USP32: variants seen among roughly 807,000 people sequenced by gnomAD.
The protein encoded by USP32 is ubiquitin carboxyl-terminal hydrolase 32.
A neutral mutation model predicts 204.8 loss-of-function variants in USP32; 59 were observed. The ratio of observed to expected loss-of-function variants is 0.29; its 90% confidence interval spans 0.23 to 0.36. USP32 has a LOEUF of 0.36. Ranked by LOEUF, USP32 falls within the 10% of genes least tolerant of loss-of-function variation. USP32 has a pLI of 1.00. For missense variants in USP32, 1,160 were observed against 1,946.4 expected, an observed-to-expected ratio of 0.60 and a Z score of 7.60; for synonymous variants, 517 against 678.4, an observed-to-expected ratio of 0.76 and a Z score of 3.70.
At chr17:60,318,631 A>G (rs1171086190) in intron 2 of USP32, among the ~76,000 whole-genome samples, 1 of 152,192 alleles carries the variant, frequency 6.6e-6, no homozygotes, top group Non-Finnish European at 1.5e-5. Flanking sequence ...CCCACCTCCA[A>G]ACCCAGAAAA....
intron 1 of USP32, among the ~76,000 whole-genome samples, chr17:60,374,084 T>G (rs2089494595): frequency 6.6e-6 from 1 of 151,924 alleles, no homozygotes; most frequent in South Asian, 2.1e-4. Flanking sequence ...TTTGGGAGGC[T>G]GAGGCAAGAG....
intron 15 of USP32, among the ~76,000 whole-genome samples, chr17:60,222,154 A>G (rs1211243723): frequency 2.0e-5 from 3 of 152,196 alleles, no homozygotes; most frequent in African/African-American, 4.8e-5. Context: ...CTCCAGCCTA[A>G]GTTCCACATA....
chr17:60,363,802 T>C (rs2089259806), intron 1 of USP32, among the ~76,000 whole-genome samples: 1 of 151,846 alleles, frequency 6.6e-6, no homozygotes, highest in South Asian at 2.1e-4. Flanking sequence ...CCTGAATAGG[T>C]ATAATTTCAT....
At chr17:60,234,238 C>G (rs1028047583) in intron 12 of USP32, among the ~76,000 whole-genome samples, 2 of 151,606 alleles carry the variant, frequency 1.3e-5, no homozygotes, top group African/African-American at 4.8e-5. Context: ...CTCACCCTCC[C>G]GAGTAGCTGG....
At chr17:60,255,132 T>C in intron 10 of USP32, 43 bp downstream of exon 10, 1 of 1,406,366 alleles carries the variant, frequency 7.1e-7, no homozygotes, top group Non-Finnish European at 1.0e-6. Context: ...GTAGAAGTAC[T>C]GGTACTACTA....
chr17:60,291,533 G>GTATA (rs2087275102), intron 4 of USP32, among the ~76,000 whole-genome samples: 1 of 133,386 alleles, frequency 7.5e-6, no homozygotes, highest in South Asian at 2.3e-4. Flanking sequence ...CTCTCTGTGT[G>GTATA]TGTATGTGTG....
At chr17:60,182,806 G>C (rs1400864580) in intron 31 of USP32, among the ~76,000 whole-genome samples, 1 of 151,846 alleles carries the variant, frequency 6.6e-6, no homozygotes, top group Non-Finnish European at 1.5e-5. Context: ...AAAAAAAAGA[G>C]TTTTGATCCT....
At position 60,265,445 on chromosome 17, in the gene USP32, T is replaced by C; in HGVS notation, c.957A>G (p.Val319=). The C allele has an allele frequency of 1.2e-6, 2 of 1,606,824 alleles. No individual in the cohort carries two copies. Among genetic ancestry groups the C allele is most frequent in the African/African-American group, 1.3e-5 (1 of 74,876 alleles). ...PELHMDLSDI[V]EGILNAHDTT... ...TGTCATGTGCATTCAGTATGCCTTC[T>C]ACAATATCAGAGAGATCCATATGTA... is the stretch of plus-strand genomic sequence containing the variant. Residue 319 remains valine, a synonymous_variant, in exon 9 of 34, where the codon GTA becomes GTG. Coordinates refer to ENST00000300896, the MANE Select transcript of USP32 (RefSeq NM_032582.4).
intron 27 of USP32, among the ~76,000 whole-genome samples, chr17:60,195,165 C>T (rs979889219): frequency 6.6e-6 from 1 of 152,202 alleles, no homozygotes; most frequent in Non-Finnish European, 1.5e-5. Flanking sequence ...ATCTCTACTC[C>T]CTTATCTATA....
intron 13 of USP32, 57 bp downstream of exon 13, chr17:60,225,982 A>G: frequency 6.7e-7 from 1 of 1,492,728 alleles, no homozygotes; most frequent in South Asian, 1.4e-5. Context: ...AAAAGAAAAG[A>G]AAGACCTATC....
At chr17:60,210,254 T>G (rs1273476924) in intron 21 of USP32, among the ~76,000 whole-genome samples, 2 of 152,090 alleles carry the variant, frequency 1.3e-5, no homozygotes, top group South Asian at 2.1e-4. Flanking sequence ...TAAAATCTAC[T>G]ACATCTGATA....
chr17:60,255,048 C>CTTT, intron 10 of USP32, 127 bp downstream of exon 10: 9 of 497,290 alleles, frequency 1.8e-5, no homozygotes, highest in Non-Finnish European at 3.1e-5. Context: ...TAATGTAGTT[C>CTTT]TTTTTTTTTT....
chr17:60,281,559 A>G (rs1234724621), intron 5 of USP32, among the ~76,000 whole-genome samples: 4 of 152,064 alleles, frequency 2.6e-5, no homozygotes, highest in Admixed American at 2.6e-4. Context: ...AATGCTGTAT[A>G]CCAGACGCAG....
At chr17:60,268,844 T>C (rs1567816398) in intron 7 of USP32, among the ~76,000 whole-genome samples, 1 of 152,120 alleles carries the variant, frequency 6.6e-6, no homozygotes, top group Non-Finnish European at 1.5e-5. Context: ...TTTGGGAAGA[T>C]TTATTTTAGA....
intron 1 of USP32, among the ~76,000 whole-genome samples, chr17:60,354,750 A>G (rs1475563840): frequency 1.3e-5 from 2 of 152,180 alleles, no homozygotes; most frequent in African/African-American, 2.4e-5. Flanking sequence ...ATGAATCCAA[A>G]AAAGTATGAT....
rs1284065891 is a variant in USP32, at chr17:60,177,447, T to C, written c.*1808A>G. 6.6e-6 allele frequency among the ~76,000 whole-genome samples: 1 copy of C among 152,230 alleles called. No homozygotes were observed. Among genetic ancestry groups the C allele is most frequent in the African/African-American group, 2.4e-5 (1 of 41,456 alleles). ...TTACAAGGTGAATGTAGTTAATAGT[T>C]AATTTAATAAATTTTCTGCTAGTTC... On this transcript the variant is annotated 3_prime_UTR_variant, in exon 34 of 34. Coordinates refer to ENST00000300896, the MANE Select transcript of USP32 (RefSeq NM_032582.4).
At chr17:60,304,984 G>C (rs2087686994) in intron 2 of USP32, 1 of 152,182 alleles carries the variant, frequency 6.6e-6, no homozygotes, top group African/African-American at 2.4e-5. Context: ...AGAGCCCAAA[G>C]AGATTAAGTA....
In USP32 at chr17:60,266,022, A is replaced by T; in HGVS notation, c.881T>A (p.Val294Asp). Residue 294 changes from valine to aspartate, a missense_variant, in exon 8 of 34, where the codon GTT (valine) becomes GAT (aspartate). By Grantham distance (152) the Val-to-Asp change is radical. This residue lies in a region of USP32 where 536 missense variants were observed against 680.9 expected (regional missense o/e 0.79). Transcript: ENST00000300896. ...GTCCTTCCAGACTTCTAAAAGTGCA[A>T]CCACCATGTCTCTCAGTTCAACCCT... is the stretch of plus-strand genomic sequence containing the variant. The part of the protein sequence containing the change: ...LSRVELRDMV[V>D]ALLEVWKDNR... 5.6e-6 allele frequency: 9 copies of T among 1,614,086 alleles called. No homozygotes were observed. The highest frequency in any genetic ancestry group is 7.6e-6 in the Non-Finnish European group (9 of 1,179,962).
intron 5 of USP32, among the ~76,000 whole-genome samples, chr17:60,280,955 A>C (rs1468590463): frequency 6.6e-6 from 1 of 152,244 alleles, no homozygotes; most frequent in Non-Finnish European, 1.5e-5. Context: ...AGTAAGACTC[A>C]CTAAGAAAGT....
Sources: allele counts gnomAD v4.1 joint callset (sites outside exome capture counted in the v4.1 genomes callset), GRCh38; gene constraint gnomAD v4.1.1; regional missense constraint gnomAD v4.1.1; transcripts MANE v1.5; gene names NCBI Gene and HGNC (gene_info 2026-07-23, HGNC 2026-07-21).